The following SVIL variants were observed in gnomAD, a reference collection of about 807,000 sequenced individuals.
The protein encoded by SVIL is supervillin.
SVIL carries 101 observed loss-of-function variants against 240.4 expected under a neutral mutation model. The ratio of observed to expected loss-of-function variants is 0.42; its 90% CI spans 0.36 to 0.50. SVIL has a LOEUF of 0.50. Among genes scored for constraint, SVIL ranks in the 20% least tolerant of loss-of-function variants. SVIL has a pLI of 0.01. For synonymous variants in SVIL, 999 were observed against 1,100.0 expected, an observed-to-expected ratio of 0.91 and a Z score of 1.82; for missense variants, 2,512 against 2,818.7, an observed-to-expected ratio of 0.89 and a Z score of 2.46.
At chr10:29,644,682 G>T (rs1238223876) in intron 3 of SVIL, among the ~76,000 whole-genome samples, 1 of 152,116 alleles carries the variant, frequency 6.6e-6, no homozygotes, top group East Asian at 1.9e-4. Flanking sequence ...AAGAAAGAAA[G>T]AAAGAAAGAG....
chr10:29,506,487 C>T (rs899817357), intron 17 of SVIL, among the ~76,000 whole-genome samples: 5 of 152,062 alleles, frequency 3.3e-5, no homozygotes, highest in African/African-American at 7.3e-5. Context: ...CTGTCAGCTT[C>T]GCATGTGAAA....
chr10:29,592,367 GAAAAT>G (rs1324951026), intron 1 of SVIL, among the ~76,000 whole-genome samples: 2 of 152,184 alleles, frequency 1.3e-5, no homozygotes, highest in African/African-American at 4.8e-5. Context: ...TTCCGAATAA[GAAAAT>G]AAAGCCTCTT....
At chr10:29,560,078 C>G (rs1292449923) in intron 3 of SVIL, among the ~76,000 whole-genome samples, 2 of 152,230 alleles carry the variant, frequency 1.3e-5, no homozygotes, top group African/African-American at 2.4e-5. Context: ...AAGAACACTT[C>G]TCTCCTTCAC....
intron 1 of SVIL, among the ~76,000 whole-genome samples, chr10:29,727,311 T>A (rs7078527): frequency 0.028 from 4,311 of 152,034 alleles, 193 homozygotes; most frequent in African/African-American, 0.095. Flanking sequence ...TAACATTAGC[T>A]GGAGTATAGT....
At position 29,572,780 on chromosome 10, in the gene SVIL, AAG is replaced by A. The variant is rs71525558; in HGVS notation, c.-200-3470_-200-3469del. Among the ~76,000 whole-genome samples the A allele has an allele frequency of 1.2e-3, 153 of 129,732 alleles. 1 individual carries two copies. Among genetic ancestry groups the A allele is most frequent in the South Asian group, 1.7e-3 (7 of 4,168 alleles). 85.1% of individuals were successfully genotyped at this position (129,732 alleles called of 152,430 possible). A position where few individuals can be genotyped will look rare whatever the true frequency, so the allele number is the denominator to read the frequency against. On this transcript the variant is annotated intron_variant, in intron 1 of 37. Transcript: ENST00000355867. ...TCCTATCTCAAAAAAAAAAAAAAAA[AAG>A]AAAAAGAAAAAGAAAAAAAGAATAG...
intron 1 of SVIL, among the ~76,000 whole-genome samples, chr10:29,722,198 G>A (rs1365444448): frequency 6.7e-6 from 1 of 150,332 alleles, no homozygotes; most frequent in African/African-American, 2.4e-5. Context: ...ACTCCAGCCT[G>A]GGTGACAGAG....
At chr10:29,489,117 T>G (rs565900302) in intron 22 of SVIL, among the ~76,000 whole-genome samples, 12 of 152,320 alleles carry the variant, frequency 7.9e-5, no homozygotes, top group South Asian at 2.1e-4. Flanking sequence ...CATGTCCAAA[T>G]GTATAGATGC....
intron 2 of SVIL, among the ~76,000 whole-genome samples, chr10:29,678,075 A>C (rs988524116): frequency 2.0e-5 from 3 of 152,064 alleles, no homozygotes; most frequent in Non-Finnish European, 4.4e-5. Flanking sequence ...AGCAATCCCC[A>C]GCCTTTTTGG....
chr10:29,574,487 A>T (rs1445688223), intron 1 of SVIL, among the ~76,000 whole-genome samples: 1 of 152,186 alleles, frequency 6.6e-6, no homozygotes, highest in African/African-American at 2.4e-5. Context: ...CCCCACAGTG[A>T]TATCACTGGA....
intron 3 of SVIL, among the ~76,000 whole-genome samples, chr10:29,655,309 A>G (rs1958963237): frequency 6.6e-6 from 1 of 152,106 alleles, no homozygotes; most frequent in Non-Finnish European, 1.5e-5. Flanking sequence ...TCTGTGGCCA[A>G]AGGCCCTAGA....
rs144570094 is a variant in SVIL, at chr10:29,711,765, GA to G, written c.-400+23985del. 9.8e-3 allele frequency: 1,366 copies of G among 138,964 alleles called. 13 individuals carry two copies. The highest frequency in any genetic ancestry group is 0.031 in the African/African-American group (1,167 of 37,702). 8.6% of individuals were successfully genotyped at this position (138,964 alleles called of 1,614,324 possible). ...ACACAAAGTGAGACTCTGTCTCAAG[GA>G]AAAAAAAAAAAAGTGCCATGATTTA... On this transcript the variant is annotated intron_variant, in intron 1 of 35. Coordinates refer to the SVIL transcript ENST00000375400.
chr10:29,488,114 T>G (rs181391671), intron 23 of SVIL, among the ~76,000 whole-genome samples: 1 of 152,254 alleles, frequency 6.6e-6, no homozygotes, highest in African/African-American at 2.4e-5. Context: ...TAGAGCGGAA[T>G]GCAGGTGGGC....
chr10:29,650,768 G>A (rs1958809242), intron 3 of SVIL, among the ~76,000 whole-genome samples: 1 of 152,096 alleles, frequency 6.6e-6, no homozygotes, highest in Non-Finnish European at 1.5e-5. Flanking sequence ...GGGCAACATA[G>A]CAAGACTTTG....
intron 3 of SVIL, among the ~76,000 whole-genome samples, chr10:29,650,304 G>A (rs911260046): frequency 3.9e-5 from 6 of 152,182 alleles, no homozygotes; most frequent in African/African-American, 1.4e-4. Context: ...TAGTAAAGAA[G>A]CGTGGGGAAA....
chr10:29,644,505 T>C (rs1958591846), intron 3 of SVIL, among the ~76,000 whole-genome samples: 1 of 152,076 alleles, frequency 6.6e-6, no homozygotes, highest in Admixed American at 6.6e-5. Context: ...GTAATGGCTA[T>C]GCACTCGGCC....
intron 6 of SVIL, among the ~76,000 whole-genome samples, chr10:29,549,175 A>AC (rs1952980281): frequency 1.5e-5 from 2 of 130,000 alleles, no homozygotes; most frequent in South Asian, 4.7e-4. Context: ...TACAAAAAAA[A>AC]AAACAAACAA....
intron 1 of SVIL, among the ~76,000 whole-genome samples, chr10:29,693,422 G>T (rs1440845787): frequency 6.6e-6 from 1 of 152,144 alleles, no homozygotes; most frequent in Non-Finnish European, 1.5e-5. Context: ...ACATAGAAAA[G>T]GTTGCAGCTA....
At chr10:29,687,107 G>A (rs1241032272) in intron 1 of SVIL, among the ~76,000 whole-genome samples, 1 of 152,190 alleles carries the variant, frequency 6.6e-6, no homozygotes, top group Non-Finnish European at 1.5e-5. Flanking sequence ...CCATAGGTAA[G>A]TAAACTTTTT....
intron 1 of SVIL, among the ~76,000 whole-genome samples, chr10:29,622,330 T>C (rs796400929): frequency 3.8e-4 from 56 of 148,666 alleles, no homozygotes; most frequent in African/African-American, 1.4e-3. Context: ...GAAAACTGCC[T>C]GGGAATCTAA....
Sources: allele counts gnomAD v4.1 joint callset (sites outside exome capture counted in the v4.1 genomes callset), GRCh38; gene constraint gnomAD v4.1.1; transcripts MANE v1.5; gene names NCBI Gene and HGNC (gene_info 2026-07-23, HGNC 2026-07-21).